The following IQGAP2 variants were observed in gnomAD, a reference collection of about 807,000 sequenced individuals.
IQGAP2 encodes IQ motif containing GTPase activating protein 2.
In IQGAP2, 173 loss-of-function variants were observed where a neutral mutation model predicts 201.3. The observed-to-expected ratio is 0.86, with a 90% CI of 0.76 to 0.98. The LOEUF (loss-of-function observed/expected upper bound fraction) is 0.98, where lower values mean the gene tolerates loss of function less well. IQGAP2 is among the 50% of genes least tolerant of loss of function. The probability of loss-of-function intolerance (pLI) is 0.00; values close to 1 mark genes in which losing one functional copy is unlikely to be tolerated. For missense variants in IQGAP2, 1,687 were observed against 1,864.8 expected (o/e 0.90, Z 1.76); for synonymous variants, 675 against 673.9 (o/e 1.00, Z -0.03).
chr5:76,701,013 G>T, intron 33 of IQGAP2, 63 bp from the exon 34 acceptor site: 3 of 1,545,162 alleles, frequency 1.9e-6, no homozygotes, highest in Middle Eastern at 3.4e-4. Flanking sequence ...TATGGTAATC[G>T]CACTACCAGA....
chr5:76,655,877 T>C (rs1752872852), intron 20 of IQGAP2, among the ~76,000 whole-genome samples: 1 of 152,226 alleles, frequency 6.6e-6, no homozygotes, highest in African/African-American at 2.4e-5. Flanking sequence ...AGTTGATTCT[T>C]TATATACTAA....
intron 30 of IQGAP2, among the ~76,000 whole-genome samples, chr5:76,686,581 G>A (rs551515006): frequency 6.6e-5 from 10 of 152,044 alleles, no homozygotes; most frequent in African/African-American, 9.6e-5. Context: ...ATGATCTCGG[G>A]TCACTGCAAG....
chr5:76,496,725 T>TTTTC lies in IQGAP2; in HGVS notation c.146+35122_146+35125dup, dbSNP rs774957947. On this transcript the variant is annotated intron_variant, in intron 2 of 35. Transcript: ENST00000274364. ...GTCTCTTTCTTTCTTTCTTTCTTTC[T>TTTTC]TTTCTTTCTTTCTTTCTTTCTTTCT... Among the ~76,000 whole-genome samples the TTTTC allele has an allele frequency of 2.4e-3, 226 of 93,622 alleles. 1 individual carries two copies. The highest frequency in any genetic ancestry group is 0.018 in the East Asian group (59 of 3,348). The allele number at this position is 93,622 out of a possible 152,430, so 61.4% of individuals were successfully genotyped here.
At chr5:76,549,719 G>T (rs906734524) in intron 2 of IQGAP2, among the ~76,000 whole-genome samples, 1 of 152,038 alleles carries the variant, frequency 6.6e-6, no homozygotes, top group Non-Finnish European at 1.5e-5. Context: ...ATGTCCTTCT[G>T]TCTTCCCTCT....
intron 21 of IQGAP2, among the ~76,000 whole-genome samples, chr5:76,661,196 C>T (rs1399166567): frequency 1.3e-5 from 2 of 149,682 alleles, no homozygotes; most frequent in Non-Finnish European, 3.0e-5. Context: ...ACAATGCTAG[C>T]TCTTGCTAGT....
chr5:76,676,089 A>T (rs954381486), intron 27 of IQGAP2, among the ~76,000 whole-genome samples: 34 of 143,822 alleles, frequency 2.4e-4, no homozygotes, highest in Non-Finnish European at 3.6e-4. Context: ...ACACACACAC[A>T]CACACACACA....
intron 13 of IQGAP2, among the ~76,000 whole-genome samples, chr5:76,625,967 A>G (rs1386729092): frequency 6.6e-6 from 1 of 152,250 alleles, no homozygotes; most frequent in Non-Finnish European, 1.5e-5. Flanking sequence ...TTTATAAAAC[A>G]CAATTGCTAC....
At chr5:76,422,612 T>C (rs542667226) in intron 1 of IQGAP2, among the ~76,000 whole-genome samples, 3 of 152,322 alleles carry the variant, frequency 2.0e-5, no homozygotes, top group Admixed American at 1.3e-4. Context: ...CAGACAATCC[T>C]ACTTCAGTGG....
intron 2 of IQGAP2, among the ~76,000 whole-genome samples, chr5:76,508,829 C>T (rs1757770826): frequency 6.6e-6 from 1 of 152,038 alleles, no homozygotes; most frequent in African/African-American, 2.4e-5. Context: ...CTCAGTTCCA[C>T]AAAATGACAA....
At chr5:76,678,155 A>C (rs1361364257) in intron 28 of IQGAP2, among the ~76,000 whole-genome samples, 4 of 152,196 alleles carry the variant, frequency 2.6e-5, no homozygotes, top group Non-Finnish European at 4.4e-5. Context: ...AGTGGTAATA[A>C]ACAGGCTACG....
Position 76,403,574 on chromosome 5 carries a change from A to G in IQGAP2, c.29A>G (p.Gln10Arg). 2 of 1,543,042 alleles carry G rather than the reference A, an allele frequency of 1.3e-6. No homozygotes were observed. Among genetic ancestry groups the G allele is most frequent in the Non-Finnish European group, 1.7e-6 (2 of 1,150,016 alleles). Residue 10 changes from glutamine to arginine, a missense_variant, in exon 1 of 36, where the codon CAG becomes CGG. Gln to Arg is a conservative substitution (Grantham distance 43, BLOSUM62 1). Coordinates refer to ENST00000274364, the MANE Select transcript of IQGAP2 (RefSeq NM_006633.5). The surrounding 1 kb of genome is among the most constrained non-coding windows in gnomAD (Gnocchi z 4.8). Reference protein sequence around the residue: MPHEELPSLQRPRYGSIVDD... With the variant: MPHEELPSLRRPRYGSIVDD... The stretch of plus-strand genomic sequence containing the variant: ...CCACACGAAGAGCTGCCGTCGCTGC[A>G]GAGACCCCGCTATGGCTGTAAGTGC...
At chr5:76,422,049 T>C (rs1238171670) in intron 1 of IQGAP2, among the ~76,000 whole-genome samples, 2 of 152,202 alleles carry the variant, frequency 1.3e-5, no homozygotes, top group African/African-American at 4.8e-5. Context: ...TATTTCCCAT[T>C]GATTTTAAAG....
At chr5:76,653,994 A>C (rs1374252641) in intron 18 of IQGAP2, among the ~76,000 whole-genome samples, 1 of 152,214 alleles carries the variant, frequency 6.6e-6, no homozygotes, top group Non-Finnish European at 1.5e-5. Context: ...GTAACATGTA[A>C]AGCGTTTTGA....
At chr5:76,420,374 CTTT>C (rs36086215) in intron 1 of IQGAP2, among the ~76,000 whole-genome samples, 3 of 122,128 alleles carry the variant, frequency 2.5e-5, no homozygotes, top group Non-Finnish European at 3.5e-5. Flanking sequence ...ATCTTTGGAA[CTTT>C]TTTTTTTTTT....
At chr5:76,691,707 C>G (rs1746277873) in intron 30 of IQGAP2, 1 of 152,052 alleles carries the variant, frequency 6.6e-6, no homozygotes, top group African/African-American at 2.4e-5. Flanking sequence ...AAATGGTTCT[C>G]CAAAGGCTAG....
intron 17 of IQGAP2, among the ~76,000 whole-genome samples, chr5:76,652,204 T>G (rs1300387512): frequency 6.6e-6 from 1 of 152,222 alleles, no homozygotes; most frequent in Non-Finnish European, 1.5e-5. Flanking sequence ...TGAAGCATTG[T>G]TTAACTTTAT....
Position 76,631,867 on chromosome 5 carries a change from CTGG to C in IQGAP2, c.1626_1628del (p.Val543del). ...TTTTTTCAATTACCCAGGGGTTACT[CTGG>C]TGGTTGATGTTAATCAGTGTTTGGA... On this transcript the variant is annotated inframe_deletion, in exon 15 of 36. Transcript: ENST00000274364. 6.3e-7 allele frequency: 1 copy of C among 1,582,534 alleles called. No individual in the cohort carries two copies. The highest frequency in any genetic ancestry group is 2.3e-5 in the East Asian group (1 of 43,892).
At chr5:76,501,643 C>CTTTT (rs56929376) in intron 2 of IQGAP2, among the ~76,000 whole-genome samples, 2 of 101,134 alleles carry the variant, frequency 2.0e-5, no homozygotes, top group East Asian at 5.3e-4. Flanking sequence ...TTTTCCTTTT[C>CTTTT]TTTTTTTTTT....
At chr5:76,601,753 A>T (rs777423126) in intron 11 of IQGAP2, among the ~76,000 whole-genome samples, 12 of 152,206 alleles carry the variant, frequency 7.9e-5, no homozygotes, top group Admixed American at 2.6e-4. Context: ...CTCTTGGGTC[A>T]TGTACAGTTG....
Sources: allele counts gnomAD v4.1 joint callset (sites outside exome capture counted in the v4.1 genomes callset), GRCh38; gene constraint gnomAD v4.1.1; non-coding constraint Gnocchi (gnomAD v3.1); transcripts MANE v1.5; gene names NCBI Gene and HGNC (gene_info 2026-07-23, HGNC 2026-07-21).